PKN2: variants seen among roughly 807,000 people sequenced by gnomAD.
The protein encoded by PKN2 is protein kinase N2.
In PKN2, 38 loss-of-function variants were observed where a neutral mutation model predicts 119.1. The ratio of observed to expected loss-of-function variants is 0.32; its 90% CI spans 0.25 to 0.42. PKN2 has a LOEUF of 0.42. PKN2 is among the 10% of genes least tolerant of loss of function. The probability of loss-of-function intolerance (pLI) is 1.00; values close to 1 mark genes in which losing one functional copy is unlikely to be tolerated. For synonymous variants in PKN2, 390 were observed against 384.9 expected (o/e 1.01, Z -0.15); for missense variants, 850 against 1,165.1 (o/e 0.73, Z 3.94).
At chr1:88,693,773 T>C (rs1666419960) in intron 1 of PKN2, among the ~76,000 whole-genome samples, 1 of 152,148 alleles carries the variant, frequency 6.6e-6, no homozygotes, top group Non-Finnish European at 1.5e-5. Context: ...CTGAAGCACA[T>C]TGTTTTTCTT....
chr1:88,770,281 G>A (rs1300823265), intron 3 of PKN2, 71 bp from the exon 4 acceptor site: 13 of 858,396 alleles, frequency 1.5e-5, no homozygotes, highest in Non-Finnish European at 2.4e-5. Flanking sequence ...CACTTGATCT[G>A]TTTAGAAGAT....
At chr1:88,789,724 G>A (rs1670736692) in intron 8 of PKN2, among the ~76,000 whole-genome samples, 1 of 151,386 alleles carries the variant, frequency 6.6e-6, no homozygotes, top group South Asian at 2.1e-4. Flanking sequence ...AAGAACCCAA[G>A]GGACTTTTCA....
intron 1 of PKN2, among the ~76,000 whole-genome samples, chr1:88,723,637 G>A (rs1271002349): frequency 6.6e-6 from 1 of 152,102 alleles, no homozygotes; most frequent in Non-Finnish European, 1.5e-5. Flanking sequence ...TGGCCAGACT[G>A]GTCTTGAACT....
chr1:88,799,366 G>A (rs1020414889), intron 8 of PKN2, among the ~76,000 whole-genome samples: 2 of 152,142 alleles, frequency 1.3e-5, no homozygotes, highest in African/African-American at 4.8e-5. Context: ...GTTCCAGCTG[G>A]AGAATCACTC....
At chr1:88,737,321 C>G (rs575218518) in intron 1 of PKN2, among the ~76,000 whole-genome samples, 21 of 152,278 alleles carry the variant, frequency 1.4e-4, no homozygotes, top group African/African-American at 5.1e-4. Context: ...GAAATGAGTT[C>G]AGAGGCACGG....
intron 15 of PKN2, among the ~76,000 whole-genome samples, chr1:88,812,941 T>A (rs528906366): frequency 2.0e-5 from 3 of 152,304 alleles, no homozygotes; most frequent in African/African-American, 7.2e-5. Context: ...TCTAGTAAAT[T>A]TAAATGATGA....
intron 1 of PKN2, among the ~76,000 whole-genome samples, chr1:88,728,414 A>T (rs895817592): frequency 6.6e-6 from 1 of 152,180 alleles, no homozygotes; most frequent in Non-Finnish European, 1.5e-5. Context: ...CTAAATTACA[A>T]GCAGGTTTTT....
chr1:88,746,028 A>G (rs1471692074), intron 2 of PKN2, among the ~76,000 whole-genome samples: 3 of 152,174 alleles, frequency 2.0e-5, no homozygotes, highest in Non-Finnish European at 2.9e-5. Context: ...ATCGACATGC[A>G]GAAGAAGGAA....
At chr1:88,726,184 T>C (rs143579438) in intron 1 of PKN2, among the ~76,000 whole-genome samples, 14 of 152,326 alleles carry the variant, frequency 9.2e-5, no homozygotes, top group African/African-American at 2.9e-4. Flanking sequence ...TTTTATTAAC[T>C]TACTGTAGTG....
intron 1 of PKN2, among the ~76,000 whole-genome samples, chr1:88,690,559 T>C (rs543828744): frequency 2.5e-4 from 38 of 152,308 alleles, no homozygotes; most frequent in African/African-American, 8.4e-4. Context: ...AGATTTAAAA[T>C]TTAGAGTGGG....
At chr1:88,812,999 A>C (rs1269609277) in intron 15 of PKN2, among the ~76,000 whole-genome samples, 1 of 152,204 alleles carries the variant, frequency 6.6e-6, no homozygotes, top group Non-Finnish European at 1.5e-5. Flanking sequence ...GTTTATTTAT[A>C]ATAGTGCCTT....
Position 88,801,609 on chromosome 1 carries a change from G to A in PKN2, c.1282-2782G>A, listed in dbSNP as rs1671314208. ...ACAGCCCCACCCTCCCACTTATGTT[G>A]TGAAGAAAGTAACGCTCACTGGGAA... On this transcript the variant is annotated intron_variant, in intron 8 of 21. Transcript: ENST00000370521. Among the ~76,000 whole-genome samples, 2 of 152,266 alleles carry A rather than the reference G, an allele frequency of 1.3e-5. 1 individual carries two copies. The highest frequency in any genetic ancestry group is 4.1e-4 in the South Asian group (2 of 4,828).
chr1:88,755,073 C>T (rs2100771056), intron 2 of PKN2, among the ~76,000 whole-genome samples: 1 of 152,168 alleles, frequency 6.6e-6, no homozygotes, highest in East Asian at 1.9e-4. Context: ...GTAGATTCAC[C>T]TCTTTTTGTA....
At chr1:88,792,221 A>G (rs1670870429) in intron 8 of PKN2, among the ~76,000 whole-genome samples, 1 of 152,112 alleles carries the variant, frequency 6.6e-6, no homozygotes, top group African/African-American at 2.4e-5. Flanking sequence ...CCTGACCAAT[A>G]TGGAGAAACC....
chr1:88,832,493 C>T (rs1346864291), intron 19 of PKN2, among the ~76,000 whole-genome samples: 1 of 151,886 alleles, frequency 6.6e-6, no homozygotes, highest in African/African-American at 2.4e-5. Context: ...TTATAAGGGT[C>T]TATAAAATTT....
At chr1:88,763,476 G>A (rs1669528933) in intron 3 of PKN2, among the ~76,000 whole-genome samples, 1 of 152,034 alleles carries the variant, frequency 6.6e-6, no homozygotes, top group Admixed American at 6.5e-5. Context: ...GCATGGTGGT[G>A]CATGCCTGTA....
At chr1:88,703,051 G>GA (rs1206889432) in intron 1 of PKN2, among the ~76,000 whole-genome samples, 2 of 152,120 alleles carry the variant, frequency 1.3e-5, no homozygotes, top group Non-Finnish European at 2.9e-5. Context: ...CAGTACTTGT[G>GA]ATCCTACCTT....
At position 88,786,180 on chromosome 1, in the gene PKN2, A is replaced by G. The variant is rs1670564481; in HGVS notation, c.1248A>G (p.Ser416=). ...GCTGGAAACCCATTTCCAATCAGTC[A>G]TGGGACCAGAAGTTTACACTGGAAC... ...QTSWKPISNQ[S]WDQKFTLELD... is the part of the protein sequence containing the mutation. Residue 416 remains serine, a synonymous_variant, in exon 8 of 22, where the codon TCA becomes TCG. Transcript: ENST00000370521. The G allele has an allele frequency of 1.2e-6, 2 of 1,609,888 alleles. No homozygotes were observed. Among genetic ancestry groups the G allele is most frequent in the East Asian group, 2.2e-5 (1 of 44,830 alleles).
chr1:88,688,176 C>G (rs1034511142), intron 1 of PKN2, among the ~76,000 whole-genome samples: 10 of 152,104 alleles, frequency 6.6e-5, no homozygotes, highest in African/African-American at 2.2e-4. Flanking sequence ...ATCTCCACCT[C>G]CCAGGTTCAA....
Sources: allele counts gnomAD v4.1 joint callset (sites outside exome capture counted in the v4.1 genomes callset), GRCh38; gene constraint gnomAD v4.1.1; transcripts MANE v1.5; gene names NCBI Gene and HGNC (gene_info 2026-07-23, HGNC 2026-07-21).